Variants in FBXW4 observed in about 807,000 individuals in gnomAD.
The protein encoded by FBXW4 is F-box and WD repeat domain containing 4.
In FBXW4, 40 loss-of-function variants were observed where a neutral mutation model predicts 61.8. That is an observed-to-expected ratio of 0.65 (90% CI 0.50 to 0.84). The LOEUF (loss-of-function observed/expected upper bound fraction) is 0.84, where lower values mean the gene tolerates loss of function less well. Among genes scored for constraint, FBXW4 ranks in the 40% least tolerant of loss-of-function variants. The probability of loss-of-function intolerance (pLI) is 0.00; values close to 1 mark genes in which losing one functional copy is unlikely to be tolerated. For missense variants in FBXW4, 672 were observed against 753.8 expected (o/e 0.89, Z 1.27); for synonymous variants, 311 against 313.8 (o/e 0.99, Z 0.10).
chr10:101,654,105 G>T (rs10883671), intron 5 of FBXW4, among the ~76,000 whole-genome samples: 22,283 of 131,998 alleles, frequency 0.17, 1,983 homozygotes, highest in Middle Eastern at 0.25. Context: ...CGGCGACAGA[G>T]CGAGACTCCG....
rs1011291939 is a variant in FBXW4 at position 101,611,078 on chromosome 10, CCT to C, written c.*211_*212del. On this transcript the variant is annotated 3_prime_UTR_variant, in exon 9 of 9. Coordinates refer to ENST00000331272, the MANE Select transcript of FBXW4 (RefSeq NM_022039.4). This position sits in a 1 kb window ranked among gnomAD's most constrained non-coding sequence, Gnocchi z 4.9. ...CCGCACTCTAAAGCAGCAGGTCCTG[CCT>C]CTCCAACAGGTTCCTGGGAGGGACT... The C allele has an allele frequency of 1.8e-6, 1 of 551,882 alleles. No homozygotes were observed. The highest frequency in any genetic ancestry group is 3.1e-6 in the Non-Finnish European group (1 of 320,844). 34.2% of individuals were successfully genotyped at this position (551,882 alleles called of 1,614,324 possible). A position where few individuals can be genotyped will look rare whatever the true frequency, so the allele number is the denominator to read the frequency against.
chr10:101,676,492 A>G, intron 1 of FBXW4, 56 bp from the exon 2 acceptor site: 1 of 1,421,818 alleles, frequency 7.0e-7, no homozygotes, highest in Non-Finnish European at 9.9e-7. Context: ...CAACCACAGA[A>G]AATTTCATGG....
chr10:101,637,417 G>T (rs976307275), intron 5 of FBXW4, among the ~76,000 whole-genome samples: 1 of 100,732 alleles, frequency 9.9e-6, no homozygotes, highest in Non-Finnish European at 2.0e-5. Flanking sequence ...AAAAAAAAAA[G>T]CCACCATGAG....
At chr10:101,674,470 T>G (rs1283946402) in intron 2 of FBXW4, among the ~76,000 whole-genome samples, 1 of 152,202 alleles carries the variant, frequency 6.6e-6, no homozygotes, top group East Asian at 1.9e-4. Flanking sequence ...ATAGATCAGT[T>G]AAGGTGTGAT....
At chr10:101,627,874 G>C (rs2063919462) in intron 5 of FBXW4, 1 of 794,726 alleles carries the variant, frequency 1.3e-6, no homozygotes, top group East Asian at 1.3e-4. Flanking sequence ...GGGATAAAGT[G>C]CTTTGAAAAG....
chr10:101,679,138 G>A (rs753773921), intron 1 of FBXW4, among the ~76,000 whole-genome samples: 14 of 152,006 alleles, frequency 9.2e-5, no homozygotes, highest in Non-Finnish European at 1.8e-4. Context: ...CTGGCCTCAA[G>A]CAATCCTCCT....
At chr10:101,647,380 T>C (rs2064109750) in intron 5 of FBXW4, among the ~76,000 whole-genome samples, 1 of 152,276 alleles carries the variant, frequency 6.6e-6, no homozygotes, top group Admixed American at 6.5e-5. Flanking sequence ...GGTAGTTCTT[T>C]GAAGTAGGAG....
At chr10:101,617,781 C>G (rs1466662455) in intron 6 of FBXW4, among the ~76,000 whole-genome samples, 7 of 151,898 alleles carry the variant, frequency 4.6e-5, no homozygotes, top group Non-Finnish European at 1.0e-4. Context: ...TTGGTGTCAG[C>G]AGGCAGAGAG....
chr10:101,658,650 C>G (rs2064214036), intron 5 of FBXW4, among the ~76,000 whole-genome samples: 1 of 152,116 alleles, frequency 6.6e-6, no homozygotes, highest in Admixed American at 6.5e-5. Flanking sequence ...TGAGAGCCAC[C>G]TAATTGCAGG....
intron 1 of FBXW4, among the ~76,000 whole-genome samples, chr10:101,678,291 T>C (rs1266573145): frequency 6.6e-6 from 1 of 152,228 alleles, no homozygotes; most frequent in Non-Finnish European, 1.5e-5. Flanking sequence ...AATTCCACTT[T>C]AGGTTCCCAT....
At chr10:101,631,895 G>A (rs1381860184) in intron 5 of FBXW4, among the ~76,000 whole-genome samples, 1 of 152,156 alleles carries the variant, frequency 6.6e-6, no homozygotes, top group Non-Finnish European at 1.5e-5. Flanking sequence ...CCAAAGTGCT[G>A]GGATTATAGG....
intron 5 of FBXW4, among the ~76,000 whole-genome samples, chr10:101,648,931 G>T (rs924942048): frequency 6.6e-6 from 1 of 152,066 alleles, no homozygotes; most frequent in Non-Finnish European, 1.5e-5. Flanking sequence ...GCTTCTAAGT[G>T]CCCTCTCACT....
intron 5 of FBXW4, among the ~76,000 whole-genome samples, chr10:101,643,629 C>T (rs939566114): frequency 2.0e-5 from 3 of 152,152 alleles, no homozygotes; most frequent in African/African-American, 7.2e-5. Flanking sequence ...ACACTGTGCC[C>T]ACAGGGGTCT....
intron 6 of FBXW4, among the ~76,000 whole-genome samples, chr10:101,616,307 C>G (rs1260511244): frequency 6.6e-6 from 1 of 152,208 alleles, no homozygotes; most frequent in Admixed American, 6.5e-5. Flanking sequence ...TCCCTTCTAT[C>G]TCCTTCCTTC....
chr10:101,674,687 TACAGTTCA>T (rs2064391217), intron 2 of FBXW4, among the ~76,000 whole-genome samples: 4 of 152,212 alleles, frequency 2.6e-5, no homozygotes, highest in Non-Finnish European at 5.9e-5. Flanking sequence ...AGCATTCTGC[TACAGTTCA>T]GGGGCTACAG....
chr10:101,656,067 C>G (rs2064182549), intron 5 of FBXW4, among the ~76,000 whole-genome samples: 1 of 152,158 alleles, frequency 6.6e-6, no homozygotes, highest in African/African-American at 2.4e-5. Flanking sequence ...GCACTGAAAC[C>G]CCACACAAAG....
intron 5 of FBXW4, among the ~76,000 whole-genome samples, chr10:101,631,631 T>C (rs940121021): frequency 7.2e-5 from 5 of 69,150 alleles, no homozygotes; most frequent in African/African-American, 2.9e-4. Flanking sequence ...ATTATTTACT[T>C]TTTTTTTTTT....
At position 101,694,321 on chromosome 10, in the gene FBXW4, C is replaced by T; in HGVS notation, c.725+60G>A. On this transcript the variant is annotated intron_variant, in intron 1 of 8. Transcript: ENST00000331272. The surrounding 1 kb of genome is among the most constrained non-coding windows in gnomAD (Gnocchi z 6.0). Reference sequence around the variant, plus strand: ...GGCCGACCAGGCCGCGGCGCCCCGCCCTTTCCCGGGACGCGGGGCCGGCTC... The same window carrying T: ...GGCCGACCAGGCCGCGGCGCCCCGCTCTTTCCCGGGACGCGGGGCCGGCTC... The T allele has an allele frequency of 4.5e-6, 6 of 1,330,276 alleles. No homozygotes were observed. Among genetic ancestry groups the T allele is most frequent in the Non-Finnish European group, 4.8e-6 (5 of 1,044,042 alleles). 82.4% of individuals were successfully genotyped at this position (1,330,276 alleles called of 1,614,324 possible).
At chr10:101,624,697 C>G in intron 6 of FBXW4, 48 bp downstream of exon 6, 1 of 1,603,874 alleles carries the variant, frequency 6.2e-7, no homozygotes, top group Non-Finnish European at 8.5e-7. Flanking sequence ...AGCAAGCTTT[C>G]CCTCACCTCC....
Sources: allele counts gnomAD v4.1 joint callset (sites outside exome capture counted in the v4.1 genomes callset), GRCh38; gene constraint gnomAD v4.1.1; non-coding constraint Gnocchi (gnomAD v3.1); transcripts MANE v1.5; gene names NCBI Gene and HGNC (gene_info 2026-07-23, HGNC 2026-07-21).